The following SOX5 variants were observed in gnomAD, a reference collection of about 807,000 sequenced individuals.
SOX5 encodes the protein transcription factor SOX-5.
A neutral mutation model predicts 92.0 loss-of-function variants in SOX5; 9 were observed. The ratio of observed to expected loss-of-function variants is 0.10; its 90% CI spans 0.06 to 0.17. The LOEUF is 0.17. SOX5 is among the 10% of genes least tolerant of loss of function. SOX5 has a pLI of 1.00. For synonymous variants in SOX5, 344 were observed against 336.3 expected (o/e 1.02, Z -0.25); for missense variants, 642 against 944.5 (o/e 0.68, Z 4.20).
At chr12:24,034,003 T>C (rs1279536124) in intron 4 of SOX5, among the ~76,000 whole-genome samples, 1 of 152,056 alleles carries the variant, frequency 6.6e-6, no homozygotes, top group Non-Finnish European at 1.5e-5. Flanking sequence ...GTCCAGTCTA[T>C]ATTTTATAAG....
At chr12:24,349,973 G>A (rs1953864685) in intron 2 of SOX5, among the ~76,000 whole-genome samples, 1 of 151,958 alleles carries the variant, frequency 6.6e-6, no homozygotes, top group South Asian at 2.1e-4. Context: ...ATTTTAGCAT[G>A]TTTCTATCTA....
At position 23,765,385 on chromosome 12, in the gene SOX5, CAAAA is replaced by C. The variant is rs373571301; in HGVS notation, c.482-9665_482-9662del. The stretch of plus-strand genomic sequence containing the variant: ...CTGTGAAGTCAAAAGTGTAAAACAG[CAAAA>C]AAAAAAAAAAAAAAAAAAAAAAGAG... On this transcript the variant is annotated intron_variant, in intron 3 of 14. Coordinates refer to ENST00000451604, the MANE Select transcript of SOX5 (RefSeq NM_006940.6). Among the ~76,000 whole-genome samples the C allele has an allele frequency of 8.7e-3, 274 of 31,412 alleles. 1 individual carries two copies. Among genetic ancestry groups the C allele is most frequent in the African/African-American group, 0.037 (253 of 6,788 alleles). The allele number at this position is 31,412 out of a possible 152,430, so 20.6% of individuals were successfully genotyped here.
At chr12:23,824,777 C>T (rs983880828) in intron 3 of SOX5, among the ~76,000 whole-genome samples, 1 of 152,180 alleles carries the variant, frequency 6.6e-6, no homozygotes, top group African/African-American at 2.4e-5. Flanking sequence ...CTTTCAGAGA[C>T]GCCCTGCTCA....
At position 23,665,373 on chromosome 12, in the gene SOX5, G is replaced by C. The variant is rs930529506; in HGVS notation, c.931+71C>G. ...GGTGATCTCATTTCTTGGTGTGGCA[G>C]GAATATTAAATTGCCTAATTTAAAG... On this transcript the variant is annotated intron_variant, in intron 7 of 14. Transcript: ENST00000451604. The C allele has an allele frequency of 1.3e-5, 19 of 1,514,692 alleles. No homozygotes were observed. The South Asian group carries it at 1.4e-4, about 11-fold the overall frequency. The allele number at this position is 1,514,692 out of a possible 1,614,324, so 93.8% of individuals were successfully genotyped here. A position where few individuals can be genotyped will look rare whatever the true frequency, so the allele number is the denominator to read the frequency against.
chr12:24,315,111 C>T (rs889657574), intron 2 of SOX5, among the ~76,000 whole-genome samples: 1 of 152,166 alleles, frequency 6.6e-6, no homozygotes, highest in Non-Finnish European at 1.5e-5. Flanking sequence ...TATGACAGCT[C>T]ATTTACTCTA....
chr12:24,021,993 C>T (rs1420205886), intron 4 of SOX5, among the ~76,000 whole-genome samples: 1 of 152,136 alleles, frequency 6.6e-6, no homozygotes, highest in Non-Finnish European at 1.5e-5. Context: ...ATCTCTTATT[C>T]ATTGAACAAA....
At chr12:24,256,037 T>A (rs577952240) in intron 3 of SOX5, among the ~76,000 whole-genome samples, 1 of 152,326 alleles carries the variant, frequency 6.6e-6, no homozygotes, top group Non-Finnish European at 1.5e-5. Context: ...CTTGGTTACC[T>A]AAAGAAGGAA....
intron 6 of SOX5, among the ~76,000 whole-genome samples, chr12:23,708,795 T>C (rs1161611587): frequency 2.0e-5 from 3 of 152,174 alleles, no homozygotes; most frequent in African/African-American, 7.2e-5. Flanking sequence ...ACTCAAAGTT[T>C]TGAAGTTAGA....
intron 4 of SOX5, among the ~76,000 whole-genome samples, chr12:24,016,330 C>G (rs925544062): frequency 1.3e-5 from 2 of 152,028 alleles, no homozygotes; most frequent in Non-Finnish European, 2.9e-5. Context: ...GGAAAAAAAA[C>G]AACCATACAC....
chr12:24,211,623 T>A lies in SOX5; in HGVS notation c.-2+1720A>T, dbSNP rs35531545. On this transcript the variant is annotated intron_variant, in intron 4 of 4. Transcript: ENST00000446891. ...ATGGTATTTTTATGTGTGTGCACAA[T>A]GTAGTATACAGAATGATTTGTGTTC... Among the ~76,000 whole-genome samples the A allele has an allele frequency of 7.4e-4, 112 of 152,352 alleles. 1 individual carries two copies. The highest frequency in any genetic ancestry group is 2.4e-3 in the African/African-American group (101 of 41,574).
chr12:24,271,726 AT>A (rs780508628), intron 3 of SOX5, among the ~76,000 whole-genome samples: 27 of 152,310 alleles, frequency 1.8e-4, no homozygotes, highest in Non-Finnish European at 3.2e-4. Context: ...CGTATTAAAA[AT>A]TTATTTCTCC....
chr12:23,931,330 T>C (rs1941351063), intron 1 of SOX5, among the ~76,000 whole-genome samples: 1 of 151,736 alleles, frequency 6.6e-6, no homozygotes, highest in Non-Finnish European at 1.5e-5. Context: ...CCATTTTACA[T>C]ATGAGGAAGA....
Position 23,802,976 on chromosome 12 carries a change from A to C in SOX5, c.481+43007T>G, listed in dbSNP as rs527943250. 2.0e-5 allele frequency among the ~76,000 whole-genome samples: 3 copies of C among 152,120 alleles called. No individual in the cohort carries two copies. The South Asian group carries it at 6.2e-4, about 32-fold the overall frequency. On this transcript the variant is annotated intron_variant, in intron 3 of 14. Coordinates refer to ENST00000451604, the MANE Select transcript of SOX5 (RefSeq NM_006940.6). ...CCCAACATTCTCCAACATTCCTAAA[A>C]CTACATTCAATCTTAACTTTCCTGA...
At chr12:24,549,740 T>C (rs1324739741) in intron 1 of SOX5, among the ~76,000 whole-genome samples, 1 of 152,308 alleles carries the variant, frequency 6.6e-6, no homozygotes, top group East Asian at 1.9e-4. Flanking sequence ...GTTGGAGACA[T>C]TGAAGAAGCT....
At chr12:24,365,918 T>A (rs889085642) in intron 2 of SOX5, among the ~76,000 whole-genome samples, 1 of 152,098 alleles carries the variant, frequency 6.6e-6, no homozygotes. Context: ...GTTAACAAAA[T>A]GATGTAACTT....
chr12:23,915,003 A>G (rs534121751), intron 1 of SOX5, among the ~76,000 whole-genome samples: 66 of 152,270 alleles, frequency 4.3e-4, no homozygotes, highest in African/African-American at 1.5e-3. Flanking sequence ...TAGAGGCATG[A>G]GGGCAATGTC....
At chr12:24,254,898 C>T (rs59040576) in intron 3 of SOX5, among the ~76,000 whole-genome samples, 3,395 of 152,000 alleles carry the variant, frequency 0.022, 115 homozygotes, top group African/African-American at 0.075. Context: ...TTCATAATTG[C>T]ACTGTGTTGG....
chr12:24,367,334 C>CA (rs1956275777), intron 2 of SOX5, among the ~76,000 whole-genome samples: 1 of 152,092 alleles, frequency 6.6e-6, no homozygotes, highest in Admixed American at 6.5e-5. Flanking sequence ...CCACGCTATT[C>CA]AAAAAATATT....
intron 4 of SOX5, among the ~76,000 whole-genome samples, chr12:24,126,175 C>T (rs930389589): frequency 6.6e-6 from 1 of 152,166 alleles, no homozygotes; most frequent in African/African-American, 2.4e-5. Context: ...CTTTTAATTC[C>T]CTGTATAATC....
Sources: allele counts gnomAD v4.1 joint callset (sites outside exome capture counted in the v4.1 genomes callset), GRCh38; gene constraint gnomAD v4.1.1; transcripts MANE v1.5; gene names NCBI Gene and HGNC (gene_info 2026-07-23, HGNC 2026-07-21).